The following OSTN variants were observed in gnomAD, a reference collection of about 807,000 sequenced individuals.
The protein encoded by OSTN is osteocrin.
OSTN carries 9 observed loss-of-function variants against 12.0 expected under a neutral mutation model. The observed-to-expected ratio is 0.75, with a 90% confidence interval of 0.45 to 1.30. OSTN has a LOEUF of 1.30. OSTN is among the 50% of genes most tolerant of loss of function. OSTN has a pLI of 0.00. For missense variants in OSTN, 148 were observed against 152.3 expected (o/e 0.97, Z 0.15); for synonymous variants, 59 against 56.9 (o/e 1.04, Z -0.16).
At chr3:191,252,080 A>T (rs1325270694) in intron 4 of OSTN, among the ~76,000 whole-genome samples, 2 of 152,080 alleles carry the variant, frequency 1.3e-5, no homozygotes, top group Non-Finnish European at 2.9e-5. Context: ...GGTTTTTTTG[A>T]GACGGAGTCT....
intron 1 of OSTN, among the ~76,000 whole-genome samples, chr3:191,204,813 G>A (rs2108587774): frequency 6.6e-6 from 1 of 152,266 alleles, no homozygotes; most frequent in South Asian, 2.1e-4. Flanking sequence ...TTTGCAGATT[G>A]TCCCTATGAA....
chr3:191,212,737 C>G, intron 2 of OSTN, 103 bp downstream of exon 2: 1 of 221,806 alleles, frequency 4.5e-6, no homozygotes, highest in Non-Finnish European at 8.2e-6. Flanking sequence ...ATTTCATATA[C>G]GTAAATATAA....
intron 2 of OSTN, among the ~76,000 whole-genome samples, chr3:191,214,807 G>A (rs548389078): frequency 2.6e-5 from 4 of 152,282 alleles, no homozygotes; most frequent in Admixed American, 2.6e-4. Flanking sequence ...GAGGTCAGGA[G>A]TTCAAAACAA....
intron 3 of OSTN, among the ~76,000 whole-genome samples, chr3:191,232,521 T>TAA (rs1384565196): frequency 6.7e-6 from 1 of 149,962 alleles, no homozygotes; most frequent in Non-Finnish European, 1.5e-5. Context: ...TATATATATA[T>TAA]AAAATTATGT....
At chr3:191,206,626 C>T (rs948806235) in intron 1 of OSTN, among the ~76,000 whole-genome samples, 2 of 152,164 alleles carry the variant, frequency 1.3e-5, no homozygotes, top group Non-Finnish European at 2.9e-5. Flanking sequence ...GCTTTAAAAG[C>T]CAGATGCAAC....
intron 3 of OSTN, among the ~76,000 whole-genome samples, chr3:191,229,600 C>A (rs1320565991): frequency 6.6e-6 from 1 of 151,992 alleles, no homozygotes; most frequent in Non-Finnish European, 1.5e-5. Context: ...ACTAAGCAAT[C>A]AGATAAACAG....
chr3:191,231,065 A>ACC lies in OSTN; in HGVS notation c.317+12104_317+12105insCC, dbSNP rs1715043035. ...TTGATAATTTATGCATTCAAGTTAA[A>ACC]TTCCAAGGACACTTCCTCTGAGATT... On this transcript the variant is annotated intron_variant, in intron 3 of 4. Coordinates refer to ENST00000682035, the MANE Select transcript of OSTN (RefSeq NM_198184.2). 1.3e-5 allele frequency among the ~76,000 whole-genome samples: 2 copies of ACC among 152,200 alleles called. 1 individual carries two copies. Among genetic ancestry groups the ACC allele is most frequent in the South Asian group, 4.1e-4 (2 of 4,832 alleles).
rs376539797 is a variant in OSTN, at chr3:191,243,608, C to CA, written c.318-6428dup. 2.9e-3 allele frequency among the ~76,000 whole-genome samples: 440 copies of CA among 152,142 alleles called. 2 individuals carry two copies. Among genetic ancestry groups the CA allele is most frequent in the African/African-American group, 9.7e-3 (404 of 41,544 alleles). The stretch of plus-strand genomic sequence containing the variant: ...ATAAATTGTATAAATTTAGGGTGTA[C>CA]AGTATGTTCTGATATATGTACACAT... On this transcript the variant is annotated intron_variant, in intron 3 of 4. Coordinates refer to ENST00000682035, the MANE Select transcript of OSTN (RefSeq NM_198184.2).
chr3:191,250,236 C>A, intron 4 of OSTN, 103 bp downstream of exon 4: 2 of 850,428 alleles, frequency 2.4e-6, no homozygotes, highest in Non-Finnish European at 1.9e-6. Context: ...CTTTTGATTT[C>A]CTAGCTTATC....
intron 3 of OSTN, among the ~76,000 whole-genome samples, chr3:191,241,238 G>T (rs1715314320): frequency 7.3e-6 from 1 of 137,918 alleles, no homozygotes; most frequent in Non-Finnish European, 1.5e-5. Flanking sequence ...GAGTGCAGTG[G>T]CGCGATCTCG....
Position 191,227,532 on chromosome 3 carries a change from G to A in OSTN, c.317+8571G>A, listed in dbSNP as rs529785143. On this transcript the variant is annotated intron_variant, in intron 3 of 4. Coordinates refer to ENST00000682035, the MANE Select transcript of OSTN (RefSeq NM_198184.2). ...GTAAAAGTGTGTTTAGAAGACGAAA[G>A]CACGCATAAGGCTATTCATTTTAGA... Among the ~76,000 whole-genome samples the A allele has an allele frequency of 2.0e-5, 3 of 152,186 alleles. No individual in the cohort carries two copies. In the South Asian group the frequency reaches 6.2e-4, roughly 32 times the overall value.
chr3:191,241,333 C>G (rs1197880663), intron 3 of OSTN, among the ~76,000 whole-genome samples: 7 of 151,970 alleles, frequency 4.6e-5, no homozygotes, highest in Non-Finnish European at 5.9e-5. Flanking sequence ...CAGGCGCTCG[C>G]CAGCACGCCC....
At chr3:191,209,074 G>T (rs187076886) in intron 1 of OSTN, among the ~76,000 whole-genome samples, 26 of 152,158 alleles carry the variant, frequency 1.7e-4, no homozygotes, top group Non-Finnish European at 3.2e-4. Context: ...CAGGAGAATC[G>T]CTTAAACCTG....
chr3:191,265,371 C>T lies in OSTN; in HGVS notation c.*2518C>T, dbSNP rs1715899656. 6.6e-6 allele frequency: 1 copy of T among 152,156 alleles called. No homozygotes were observed. The highest frequency in any genetic ancestry group is 2.1e-4 in the South Asian group (1 of 4,834). 9.4% of individuals were successfully genotyped at this position (152,156 alleles called of 1,614,324 possible). ...AAATTTCATAAAAGGATGTTAGTTA[C>T]TGGCTATGTTGTCCTAAAATTTACA... On this transcript the variant is annotated 3_prime_UTR_variant, in exon 5 of 5. Coordinates refer to ENST00000682035, the MANE Select transcript of OSTN (RefSeq NM_198184.2).
Position 191,246,681 on chromosome 3 carries a change from G to C in OSTN, c.318-3356G>C, listed in dbSNP as rs557025246. ...AGGTAAAGGGGAAGGGGAAGAGGAA[G>C]AAGAGGAAGAGGAGGATGAAAAGGA... is the stretch of plus-strand genomic sequence containing the variant. On this transcript the variant is annotated intron_variant, in intron 3 of 4. Coordinates refer to ENST00000682035, the MANE Select transcript of OSTN (RefSeq NM_198184.2). Among the ~76,000 whole-genome samples, 5 of 151,728 alleles carry C rather than the reference G, an allele frequency of 3.3e-5. No individual in the cohort carries two copies. In the South Asian group the frequency reaches 1.0e-3, roughly 32 times the overall value.
intron 1 of OSTN, among the ~76,000 whole-genome samples, chr3:191,201,071 C>G (rs1714141184): frequency 6.6e-6 from 1 of 152,134 alleles, no homozygotes; most frequent in Admixed American, 6.6e-5. Flanking sequence ...GGCTTAAGAT[C>G]TCTCAGATTA....
intron 4 of OSTN, among the ~76,000 whole-genome samples, chr3:191,257,185 C>CAAAAAAA (rs71175391): frequency 1.4e-5 from 1 of 72,192 alleles, no homozygotes; most frequent in African/African-American, 4.6e-5. Flanking sequence ...AACCCTCTCT[C>CAAAAAAA]AAAAAAAAAA....
intron 3 of OSTN, among the ~76,000 whole-genome samples, chr3:191,232,602 A>T (rs56358253): frequency 0.38 from 53,831 of 142,624 alleles, 10,959 homozygotes; most frequent in Non-Finnish European, 0.43. Flanking sequence ...TGACTAAATC[A>T]TTTTTTTTTT....
chr3:191,217,990 G>A (rs940370504), intron 2 of OSTN, among the ~76,000 whole-genome samples: 7 of 151,710 alleles, frequency 4.6e-5, no homozygotes, highest in Admixed American at 2.6e-4. Flanking sequence ...AGCAAAATAC[G>A]AGATGAAGCA....
Sources: gnomAD v4.1 joint callset for allele counts (sites outside exome capture counted in the v4.1 genomes callset) on GRCh38, gnomAD v4.1.1 for gene constraint, MANE v1.5 for transcripts, NCBI Gene and HGNC (gene_info 2026-07-23, HGNC 2026-07-21) for gene names.